SLF1: variants seen among roughly 807,000 people sequenced by gnomAD.
SLF1 encodes SMC5-SMC6 complex localization factor protein 1.
In SLF1, 105 loss-of-function variants were observed where a neutral mutation model predicts 123.0. The ratio of observed to expected loss-of-function variants is 0.85; its 90% CI spans 0.73 to 1.00. The LOEUF (loss-of-function observed/expected upper bound fraction) is 1.00. SLF1 is among the 50% of genes least tolerant of loss of function. SLF1 has a pLI of 0.00. For missense variants in SLF1, 1,239 were observed against 1,223.0 expected, an observed-to-expected ratio of 1.01 and a Z score of -0.20; for synonymous variants, 434 against 406.6, an observed-to-expected ratio of 1.07 and a Z score of -0.81.
rs1752465494 is a variant in SLF1, at chr5:94,686,700, ACT to A, written c.2110_2111del (p.Leu704SerfsTer35). 2 of 1,613,674 alleles carry A rather than the reference ACT, an allele frequency of 1.2e-6. No homozygotes were observed. Among genetic ancestry groups the A allele is most frequent in the Non-Finnish European group, 8.5e-7 (1 of 1,179,814 alleles). On this transcript the variant is annotated frameshift_variant, in exon 16 of 21. Transcript: ENST00000265140. LOFTEE classifies it high-confidence loss of function. ...GCTCTGGCAGTGTTTCTTCTGAGCC[ACT>A]CTCTCTTCAGAAAATGGTAAGTACC... ...QSSGSVSSEP[L>X]SLQKMVYSYL...
chr5:94,630,774 A>G (rs1368386009), intron 4 of SLF1, 31 bp downstream of exon 4: 4 of 1,517,464 alleles, frequency 2.6e-6, no homozygotes, highest in Middle Eastern at 1.7e-4. Context: ...AGCTAAAGCA[A>G]TTAATGAGAA....
At chr5:94,688,789 C>T in intron 17 of SLF1, 120 bp downstream of exon 17, 2 of 1,084,822 alleles carry the variant, frequency 1.8e-6, no homozygotes, top group Non-Finnish European at 2.5e-6. Context: ...TAGATCAAAA[C>T]TCAATTTTAG....
At chr5:94,642,645 T>A (rs946471617) in intron 4 of SLF1, among the ~76,000 whole-genome samples, 1 of 152,202 alleles carries the variant, frequency 6.6e-6, no homozygotes, top group East Asian at 1.9e-4. Flanking sequence ...TAGCCTCTCT[T>A]GTGGCTTTCT....
chr5:94,692,411 TA>T (rs1258253658), intron 20 of SLF1, among the ~76,000 whole-genome samples, 155 bp downstream of exon 20: 11 of 152,286 alleles, frequency 7.2e-5, no homozygotes, highest in African/African-American at 2.6e-4. Flanking sequence ...TCCTAAAACG[TA>T]AGCACCTTTT....
intron 11 of SLF1, among the ~76,000 whole-genome samples, chr5:94,665,217 G>A (rs1259631486): frequency 6.6e-6 from 1 of 152,064 alleles, no homozygotes; most frequent in Non-Finnish European, 1.5e-5. Context: ...AGAGGCCGAG[G>A]CCTCCCAAAT....
chr5:94,623,236 T>C (rs1418910144), intron 1 of SLF1, among the ~76,000 whole-genome samples: 1 of 152,302 alleles, frequency 6.6e-6, no homozygotes, highest in East Asian at 1.9e-4. Context: ...GGGAGATATT[T>C]TGGGAAACTC....
chr5:94,689,027 A>G (rs1020413586), intron 17 of SLF1, among the ~76,000 whole-genome samples: 2 of 57,314 alleles, frequency 3.5e-5, no homozygotes, highest in African/African-American at 2.6e-4. Flanking sequence ...AGTTTCCCCA[A>G]AATGAGAAAC....
intron 14 of SLF1, among the ~76,000 whole-genome samples, chr5:94,674,872 A>AATTC (rs1750866961): frequency 6.6e-6 from 1 of 152,232 alleles, no homozygotes; most frequent in African/African-American, 2.4e-5. Context: ...TGCTATTGAT[A>AATTC]ATTCTACAAT....
intron 20 of SLF1, among the ~76,000 whole-genome samples, chr5:94,693,630 T>A (rs761858681): frequency 6.6e-6 from 1 of 152,040 alleles, no homozygotes; most frequent in Non-Finnish European, 1.5e-5. Context: ...TTGACACTTA[T>A]ATTGAAGTAA....
chr5:94,665,880 C>G lies in SLF1; in HGVS notation c.1388C>G (p.Ser463Cys). ...TAATAGGATAACATAGATACATTTTCTGGTCGATACTTTCATATATTGTCA... is the reference window on the plus strand; with the variant it reads ...TAATAGGATAACATAGATACATTTTGTGGTCGATACTTTCATATATTGTCA... Reference protein sequence around the residue: ...NVLQDNIDTFSGRYFHILSAL... With the variant: ...NVLQDNIDTFCGRYFHILSAL... Residue 463 changes from serine to cysteine, a missense_variant, in exon 12 of 21, where the codon TCT becomes TGT. By Grantham distance (112) the Ser-to-Cys change is moderately radical. Transcript: ENST00000265140. 2 of 1,546,364 alleles carry G rather than the reference C, an allele frequency of 1.3e-6. No individual in the cohort carries two copies. The highest frequency in any genetic ancestry group is 1.8e-6 in the Non-Finnish European group (2 of 1,142,444).
chr5:94,631,589 A>T (rs990024415), intron 4 of SLF1, among the ~76,000 whole-genome samples: 2 of 152,154 alleles, frequency 1.3e-5, no homozygotes, highest in Non-Finnish European at 2.9e-5. Context: ...CCAGCAGTTC[A>T]TTCCTTTTTG....
At chr5:94,689,036 A>ACCT (rs3084535) in intron 17 of SLF1, among the ~76,000 whole-genome samples, 124,155 of 151,904 alleles carry the variant, frequency 0.82, 51,454 homozygotes, top group East Asian at 0.97. Context: ...AAAATGAGAA[A>ACCT]CCTCTAAAAG....
chr5:94,681,750 T>C (rs1751805692), intron 15 of SLF1, among the ~76,000 whole-genome samples: 1 of 151,796 alleles, frequency 6.6e-6, no homozygotes, highest in African/African-American at 2.4e-5. Context: ...ATGCGGTGTC[T>C]GGTTTTTTGT....
At chr5:94,642,928 G>A (rs976874275) in intron 4 of SLF1, among the ~76,000 whole-genome samples, 12 of 152,010 alleles carry the variant, frequency 7.9e-5, no homozygotes, top group African/African-American at 1.7e-4. Context: ...TTGGGAGTAC[G>A]TTACCTTTGA....
chr5:94,634,882 T>A (rs2152469200), intron 4 of SLF1, among the ~76,000 whole-genome samples: 1 of 152,328 alleles, frequency 6.6e-6, no homozygotes, highest in East Asian at 1.9e-4. Context: ...CCTTTGCCCA[T>A]TTTTAATCAG....
intron 9 of SLF1, among the ~76,000 whole-genome samples, chr5:94,660,896 C>G (rs775992046): frequency 4.6e-5 from 7 of 152,162 alleles, no homozygotes; most frequent in Non-Finnish European, 1.0e-4. Context: ...CTGGTGCTCT[C>G]CACCTCCTAC....
intron 12 of SLF1, among the ~76,000 whole-genome samples, chr5:94,667,768 GT>G (rs1453067104): frequency 1.3e-5 from 2 of 151,894 alleles, no homozygotes; most frequent in Admixed American, 6.6e-5. Context: ...GTTTTGTTTT[GT>G]TTTTTAAGAC....
chr5:94,679,142 G>T (rs879451141), intron 15 of SLF1, among the ~76,000 whole-genome samples, 187 bp downstream of exon 15: 1 of 152,100 alleles, frequency 6.6e-6, no homozygotes, highest in Admixed American at 6.5e-5. Flanking sequence ...TACCCATATT[G>T]TTCCTACACA....
intron 15 of SLF1, among the ~76,000 whole-genome samples, chr5:94,679,383 C>T (rs762000611): frequency 2.0e-5 from 3 of 151,984 alleles, no homozygotes; most frequent in Non-Finnish European, 4.4e-5. Flanking sequence ...CTCTTGAGCC[C>T]AGGAGTTTGA....
Sources: allele counts gnomAD v4.1 joint callset (sites outside exome capture counted in the v4.1 genomes callset), GRCh38; gene constraint gnomAD v4.1.1; transcripts MANE v1.5; gene names NCBI Gene and HGNC (gene_info 2026-07-23, HGNC 2026-07-21).